Variants in GALNTL6 observed in about 807,000 individuals in gnomAD.
The protein encoded by GALNTL6 is polypeptide N-acetylgalactosaminyltransferase-like 6.
In GALNTL6, 46 loss-of-function variants were observed where a neutral mutation model predicts 73.7. The ratio of observed to expected loss-of-function variants is 0.62; its 90% CI spans 0.49 to 0.80. The LOEUF (loss-of-function observed/expected upper bound fraction) is 0.80, where lower values mean the gene tolerates loss of function less well. Ranked by LOEUF, GALNTL6 falls within the 30% of genes least tolerant of loss-of-function variation. The pLI is 0.00. For synonymous variants in GALNTL6, 259 were observed against 263.7 expected (o/e 0.98, Z 0.17); for missense variants, 604 against 755.0 (o/e 0.80, Z 2.34).
chr4:171,960,677 C>T (rs1739195231), intron 2 of GALNTL6, among the ~76,000 whole-genome samples: 1 of 119,700 alleles, frequency 8.4e-6, no homozygotes, highest in East Asian at 2.5e-4. Flanking sequence ...AGAGAAATGA[C>T]TGTCTTTATT....
At chr4:172,258,244 G>A (rs752628989) in intron 3 of GALNTL6, among the ~76,000 whole-genome samples, 5 of 151,284 alleles carry the variant, frequency 3.3e-5, no homozygotes, top group Non-Finnish European at 7.4e-5. Context: ...TGCAAAATGT[G>A]TCTTCCCTTT....
At chr4:172,926,111 G>A (rs979725855) in intron 8 of GALNTL6, among the ~76,000 whole-genome samples, 2 of 152,146 alleles carry the variant, frequency 1.3e-5, no homozygotes, top group African/African-American at 4.8e-5. Context: ...CAGAGTGCCA[G>A]CATTGTTGGG....
At chr4:172,887,475 A>T (rs2111203500) in intron 8 of GALNTL6, among the ~76,000 whole-genome samples, 1 of 152,108 alleles carries the variant, frequency 6.6e-6, no homozygotes, top group Non-Finnish European at 1.5e-5. Flanking sequence ...TTACATTCCC[A>T]CCAACAGTGT....
chr4:172,050,020 G>T (rs965684765), intron 2 of GALNTL6, among the ~76,000 whole-genome samples: 48 of 149,688 alleles, frequency 3.2e-4, no homozygotes, highest in African/African-American at 1.2e-3. Context: ...AAAAAAAAAT[G>T]CAGGCTCTGT....
chr4:171,954,244 A>T (rs1191337360), intron 2 of GALNTL6, among the ~76,000 whole-genome samples: 1 of 152,186 alleles, frequency 6.6e-6, no homozygotes, highest in East Asian at 1.9e-4. Context: ...AAGAGTTGTG[A>T]TTTATGATTT....
intron 5 of GALNTL6, among the ~76,000 whole-genome samples, chr4:172,469,352 C>T (rs886849911): frequency 1.3e-5 from 2 of 151,974 alleles, no homozygotes; most frequent in Non-Finnish European, 2.9e-5. Context: ...ATGTCTGAAA[C>T]CCCAGCACTC....
intron 5 of GALNTL6, among the ~76,000 whole-genome samples, chr4:172,488,443 A>C (rs72995061): frequency 4.6e-5 from 7 of 152,270 alleles, no homozygotes; most frequent in African/African-American, 1.7e-4. Flanking sequence ...CTTTACTCAT[A>C]CATCTGCGGG....
At chr4:172,956,161 C>G (rs1012816575) in intron 10 of GALNTL6, among the ~76,000 whole-genome samples, 29 of 151,926 alleles carry the variant, frequency 1.9e-4, no homozygotes, top group Non-Finnish European at 4.4e-5. Context: ...AGATAATGCG[C>G]GATGTTTCTC....
intron 2 of GALNTL6, among the ~76,000 whole-genome samples, chr4:172,177,811 A>G (rs1374466827): frequency 7.4e-6 from 1 of 135,408 alleles, no homozygotes; most frequent in African/African-American, 3.3e-5. Context: ...ACACACATAT[A>G]TGTGTGTGTA....
In GALNTL6 at chr4:172,952,039, C is replaced by G. The variant is rs1488744754; in HGVS notation, c.1152C>G (p.Asn384Lys). Residue 384 changes from asparagine (N) to lysine (K), a missense_variant and splice_region_variant, in exon 10 of 13, where the codon AAC (asparagine) becomes AAG (lysine). By Grantham distance (94) the Asn-to-Lys change is moderately conservative. Transcript: ENST00000506823. ...KVPSGTSLAR[N>K]LKRVAETWMD... ...ATTTTTGTTTTCCTGCTGCACAGAA[C>G]CTGAAGCGGGTAGCTGAGACCTGGA... The G allele has an allele frequency of 1.2e-6, 2 of 1,612,662 alleles. No individual in the cohort carries two copies. Among genetic ancestry groups the G allele is most frequent in the African/African-American group, 1.3e-5 (1 of 74,834 alleles).
intron 8 of GALNTL6, among the ~76,000 whole-genome samples, chr4:172,894,874 T>A (rs767549555): frequency 6.6e-5 from 10 of 152,092 alleles, no homozygotes; most frequent in Non-Finnish European, 1.2e-4. Context: ...TGGTATTGGG[T>A]GCACATGTAT....
intron 2 of GALNTL6, among the ~76,000 whole-genome samples, chr4:171,988,176 A>G (rs1000588301): frequency 2.6e-5 from 4 of 152,210 alleles, no homozygotes; most frequent in African/African-American, 7.2e-5. Context: ...CAGAAAGGCT[A>G]CAGGGTGCAG....
chr4:172,106,078 T>G (rs1347878408), intron 2 of GALNTL6, among the ~76,000 whole-genome samples: 1 of 152,140 alleles, frequency 6.6e-6, no homozygotes. Flanking sequence ...AACACAGATG[T>G]GACTAAGAAA....
At chr4:172,559,251 A>G (rs546321653) in intron 5 of GALNTL6, among the ~76,000 whole-genome samples, 64 of 151,726 alleles carry the variant, frequency 4.2e-4, no homozygotes, top group African/African-American at 1.5e-3. Flanking sequence ...TTTTTAGTAG[A>G]GACGGGGTTT....
chr4:171,843,847 G>A (rs940704993), intron 2 of GALNTL6, among the ~76,000 whole-genome samples: 3 of 152,134 alleles, frequency 2.0e-5, no homozygotes, highest in Non-Finnish European at 4.4e-5. Context: ...ACAATCAATA[G>A]TGTAATTAGT....
intron 2 of GALNTL6, among the ~76,000 whole-genome samples, chr4:172,053,369 C>T (rs974124149): frequency 3.9e-5 from 6 of 152,068 alleles, no homozygotes; most frequent in African/African-American, 1.4e-4. Flanking sequence ...ATACTCTGCA[C>T]ACAGACATCC....
chr4:172,996,517 C>T (rs1003911862), intron 10 of GALNTL6, among the ~76,000 whole-genome samples: 1 of 152,128 alleles, frequency 6.6e-6, no homozygotes, highest in South Asian at 2.1e-4. Context: ...GACAAACCTG[C>T]ACATGGACCC....
intron 3 of GALNTL6, among the ~76,000 whole-genome samples, chr4:172,241,704 A>G (rs1211043453): frequency 6.6e-6 from 1 of 152,212 alleles, no homozygotes; most frequent in Non-Finnish European, 1.5e-5. Context: ...GTTAAGAGTT[A>G]TGCTTTTATC....
chr4:172,545,479 G>A (rs575343623), intron 5 of GALNTL6, among the ~76,000 whole-genome samples: 75 of 152,258 alleles, frequency 4.9e-4, no homozygotes, highest in Non-Finnish European at 9.1e-4. Flanking sequence ...TAACCACCGT[G>A]GTTCTGTTGC....
Sources: allele counts gnomAD v4.1 joint callset (sites outside exome capture counted in the v4.1 genomes callset), GRCh38; gene constraint gnomAD v4.1.1; transcripts MANE v1.5; gene names NCBI Gene and HGNC (gene_info 2026-07-23, HGNC 2026-07-21).